PLA2G5: variants seen among roughly 807,000 people sequenced by gnomAD.
PLA2G5 encodes the protein Ca2+-dependent phospholipase A2.
PLA2G5 carries 12 observed loss-of-function variants against 15.9 expected under a neutral mutation model. That is an observed-to-expected ratio of 0.76 (90% CI 0.48 to 1.23). The LOEUF (loss-of-function observed/expected upper bound fraction) is 1.23, where lower values mean the gene tolerates loss of function less well. Ranked by LOEUF, PLA2G5 falls within the 50% of genes most tolerant of loss-of-function variation. The pLI, the probability that PLA2G5 is intolerant of heterozygous loss-of-function variation, is 0.00. For missense variants in PLA2G5, 169 were observed against 177.1 expected, an observed-to-expected ratio of 0.95 and a Z score of 0.26; for synonymous variants, 71 against 71.4, an observed-to-expected ratio of 0.99 and a Z score of 0.03.
At chr1:20,062,319 C>T (rs142480898) in intron 2 of PLA2G5, among the ~76,000 whole-genome samples, 58 of 152,338 alleles carry the variant, frequency 3.8e-4, no homozygotes, top group African/African-American at 1.3e-3. Flanking sequence ...CAGGAAACTC[C>T]CAGCATCTCA....
chr1:20,058,547 G>T lies in PLA2G5; in HGVS notation n.277-1085G>T, dbSNP rs182277368. Among the ~76,000 whole-genome samples the T allele has an allele frequency of 9.9e-4, 150 of 152,226 alleles. 2 individuals carry two copies. The highest frequency in any genetic ancestry group is 3.6e-3 in the African/African-American group (149 of 41,544). On this transcript the variant is annotated intron_variant and non_coding_transcript_variant, in intron 1 of 6. Transcript: ENST00000460175. ...TTTAAAGTGAACTTGTAGACAACAT[G>T]CCTGGTCTCTTTTGCAGCTAGGTTT...
chr1:20,079,667 C>T (rs1208941304), intron 1 of PLA2G5, among the ~76,000 whole-genome samples: 1 of 152,094 alleles, frequency 6.6e-6, no homozygotes, highest in East Asian at 1.9e-4. Flanking sequence ...CCCACATGTG[C>T]CTTGTTTTAT....
At chr1:20,054,952 C>T (rs2014361895) in intron 1 of PLA2G5, 1 of 152,120 alleles carries the variant, frequency 6.6e-6, no homozygotes, top group African/African-American at 2.4e-5. Flanking sequence ...TATGCCCTCC[C>T]CAACAGAATG....
At chr1:20,063,729 A>C (rs1431398842) in intron 2 of PLA2G5, 1 of 152,242 alleles carries the variant, frequency 6.6e-6, no homozygotes, top group African/African-American at 2.4e-5. Flanking sequence ...CTCTTAACAC[A>C]GATGGAGCTC....
chr1:20,059,962 C>T (rs1180030077), intron 2 of PLA2G5, among the ~76,000 whole-genome samples: 1 of 152,140 alleles, frequency 6.6e-6, no homozygotes, highest in South Asian at 2.1e-4. Flanking sequence ...GAAACTCAGT[C>T]TAGGACCTGC....
intron 1 of PLA2G5, among the ~76,000 whole-genome samples, chr1:20,071,431 C>CT (rs1426400650): frequency 1.3e-5 from 2 of 152,230 alleles, no homozygotes; most frequent in African/African-American, 2.4e-5. Context: ...GTATCATGCC[C>CT]TACACTGAGC....
chr1:20,030,972 A>G (rs1433196004), intron 1 of PLA2G5, among the ~76,000 whole-genome samples: 2 of 152,220 alleles, frequency 1.3e-5, no homozygotes, highest in Non-Finnish European at 2.9e-5. Context: ...TCTTCTTTCT[A>G]CATAGACACA....
intron 1 of PLA2G5, among the ~76,000 whole-genome samples, chr1:20,049,453 A>G (rs527271489): frequency 4.6e-4 from 70 of 152,258 alleles, no homozygotes; most frequent in African/African-American, 1.6e-3. Context: ...TTTAACCCTG[A>G]TATGATTTGG....
intron 3 of PLA2G5, 40 bp from the exon 4 acceptor site, chr1:20,089,749 C>T (rs1389508932): frequency 4.6e-6 from 7 of 1,513,986 alleles, no homozygotes; most frequent in Non-Finnish European, 5.5e-6. Flanking sequence ...GTCAGGAGGG[C>T]ACCCCTCCCA....
intron 1 of PLA2G5, among the ~76,000 whole-genome samples, chr1:20,032,839 C>T (rs143576926): frequency 6.0e-4 from 92 of 152,174 alleles, no homozygotes; most frequent in African/African-American, 1.9e-3. Context: ...TTAAGGGGTG[C>T]CTGCCAGGCT....
At chr1:20,028,712 G>A (rs1038043094) in intron 1 of PLA2G5, 1 of 152,274 alleles carries the variant, frequency 6.6e-6, no homozygotes, top group African/African-American at 2.4e-5. Context: ...CTATGAAGGT[G>A]AGTATATATG....
chr1:20,054,928 A>G (rs2014360834), intron 1 of PLA2G5: 1 of 152,166 alleles, frequency 6.6e-6, no homozygotes, highest in African/African-American at 2.4e-5. Flanking sequence ...AATGTATGAG[A>G]CTGCCTTTTC....
chr1:20,044,849 G>A (rs2013807996), intron 1 of PLA2G5, among the ~76,000 whole-genome samples: 1 of 152,022 alleles, frequency 6.6e-6, no homozygotes, highest in Admixed American at 6.6e-5. Context: ...AGATGGGTCG[G>A]TAGAAAAGGA....
intron 1 of PLA2G5, among the ~76,000 whole-genome samples, chr1:20,044,369 T>TA (rs1553171695): frequency 2.0e-5 from 3 of 150,294 alleles, no homozygotes; most frequent in Non-Finnish European, 4.4e-5. Context: ...ATTCCTGTTG[T>TA]GGGGGGGGTT....
intron 1 of PLA2G5, among the ~76,000 whole-genome samples, chr1:20,072,340 T>A (rs2015422073): frequency 6.6e-6 from 1 of 152,290 alleles, no homozygotes; most frequent in African/African-American, 2.4e-5. Context: ...CTTTGCTGTA[T>A]CCCCAGTGTC....
At chr1:20,042,549 T>A (rs1248291187) in intron 1 of PLA2G5, among the ~76,000 whole-genome samples, 1 of 152,008 alleles carries the variant, frequency 6.6e-6, no homozygotes, top group Non-Finnish European at 1.5e-5. Flanking sequence ...GTTAGGGAGA[T>A]CTAGGGTGGG....
intron 1 of PLA2G5, among the ~76,000 whole-genome samples, chr1:20,073,946 C>T (rs559896306): frequency 1.7e-3 from 260 of 152,160 alleles, no homozygotes; most frequent in African/African-American, 4.8e-3. Flanking sequence ...ACATGTTTCC[C>T]GCCCTCAGAT....
chr1:20,077,944 G>A (rs1297217634), intron 1 of PLA2G5, among the ~76,000 whole-genome samples: 1 of 152,176 alleles, frequency 6.6e-6, no homozygotes, highest in Non-Finnish European at 1.5e-5. Flanking sequence ...ATAGAAATAA[G>A]AGCTAAATCC....
rs138138635 is a variant in PLA2G5 at position 20,062,764 on chromosome 1, G to A, written n.337+3072G>A. Among the ~76,000 whole-genome samples the A allele has an allele frequency of 2.7e-3, 409 of 152,284 alleles. 2 individuals are homozygous for A. The highest frequency in any genetic ancestry group is 8.4e-3 in the African/African-American group (351 of 41,552). On this transcript the variant is annotated intron_variant and non_coding_transcript_variant, in intron 2 of 6. Transcript: ENST00000460175. ...AAGGGGCGCTGTCAATGTGTGTTGG[G>A]TGATGGACTGGATGAATAAATGGTA...
Sources: gnomAD v4.1 joint callset for allele counts (sites outside exome capture counted in the v4.1 genomes callset) on GRCh38, gnomAD v4.1.1 for gene constraint, MANE v1.5 for transcripts, NCBI Gene and HGNC (gene_info 2026-07-23, HGNC 2026-07-21) for gene names.